Variants in CYP20A1 observed in about 807,000 individuals in gnomAD.
The protein encoded by CYP20A1 is cytochrome P450 20A1.
CYP20A1 carries 61 observed loss-of-function variants against 61.4 expected under a neutral mutation model. That is an observed-to-expected ratio of 0.99 (90% confidence interval 0.81 to 1.23). The LOEUF is 1.23. Among genes scored for constraint, CYP20A1 ranks in the 50% most tolerant of loss-of-function variants. The pLI, the probability that CYP20A1 is intolerant of heterozygous loss-of-function variation, is 0.00. For missense variants in CYP20A1, 530 were observed against 542.4 expected, an observed-to-expected ratio of 0.98 and a Z score of 0.23; for synonymous variants, 193 against 188.2, an observed-to-expected ratio of 1.03 and a Z score of -0.21.
intron 3 of CYP20A1, among the ~76,000 whole-genome samples, chr2:203,248,193 C>T (rs910749655): frequency 6.6e-6 from 1 of 152,082 alleles, no homozygotes; most frequent in African/African-American, 2.4e-5. Context: ...CCACTCTACT[C>T]CAGCCAGGCA....
intron 11 of CYP20A1, among the ~76,000 whole-genome samples, chr2:203,296,164 T>C (rs2068788026): frequency 6.6e-6 from 1 of 152,006 alleles, no homozygotes; most frequent in South Asian, 2.1e-4. Flanking sequence ...CTCAGGAAGC[T>C]GAGGTAGAAG....
At chr2:203,262,712 A>T (rs2067182306) in intron 4 of CYP20A1, among the ~76,000 whole-genome samples, 1 of 150,798 alleles carries the variant, frequency 6.6e-6, no homozygotes, top group African/African-American at 2.4e-5. Context: ...TTTTTTTGAG[A>T]CGGAGTCTTA....
intron 12 of CYP20A1, 43 bp downstream of exon 12, chr2:203,296,606 A>G (rs112787411): frequency 6.7e-7 from 1 of 1,491,092 alleles, no homozygotes; most frequent in Non-Finnish European, 9.2e-7. Context: ...AATTTTGATG[A>G]TCACTGTTGA....
chr2:203,265,261 C>T (rs2067279219), intron 4 of CYP20A1, among the ~76,000 whole-genome samples: 1 of 152,094 alleles, frequency 6.6e-6, no homozygotes. Context: ...TAGCACCTTA[C>T]CCCAGTTGTG....
chr2:203,260,790 C>A (rs1434626790), intron 4 of CYP20A1, among the ~76,000 whole-genome samples: 1 of 152,138 alleles, frequency 6.6e-6, no homozygotes, highest in Non-Finnish European at 1.5e-5. Flanking sequence ...TCCCAAAGAC[C>A]TAGGATTACT....
chr2:203,253,196 G>C (rs564495765), intron 4 of CYP20A1, among the ~76,000 whole-genome samples: 28 of 152,240 alleles, frequency 1.8e-4, no homozygotes, highest in Non-Finnish European at 2.9e-4. Flanking sequence ...GTCCTGCCTT[G>C]GGCCCCAAAA....
At chr2:203,293,214 CTCTTTT>C (rs1396787133) in intron 11 of CYP20A1, among the ~76,000 whole-genome samples, 3 of 128,910 alleles carry the variant, frequency 2.3e-5, no homozygotes, top group Non-Finnish European at 3.2e-5. Context: ...GAATTTCTCT[CTCTTTT>C]TTTTTTTTTT....
In CYP20A1 at chr2:203,280,059, A is replaced by G; in HGVS notation, c.796A>G (p.Ile266Val). Residue 266 changes from isoleucine (I) to valine (V), a missense_variant and splice_region_variant, in exon 8 of 13, where the codon ATC (isoleucine) becomes GTC (valine). Coordinates refer to ENST00000356079, the MANE Select transcript of CYP20A1 (RefSeq NM_177538.3). ...TTCTAAACTTAGTTTTGTTTCCTAG[A>G]TCCTAGAAGACAGTATGATATTTTC... ...LVQGNLNDQQ[I>V]LEDSMIFSLA... is the part of the protein sequence containing the mutation. 6.2e-7 allele frequency: 1 copy of G among 1,602,752 alleles called. No homozygotes were observed. The highest frequency in any genetic ancestry group is 1.7e-5 in the Admixed American group (1 of 58,636).
At chr2:203,272,851 C>CTTTT in intron 6 of CYP20A1, 103 bp downstream of exon 6, 5 of 428,938 alleles carry the variant, frequency 1.2e-5, no homozygotes, top group East Asian at 5.8e-5. Context: ...TTTATATTTT[C>CTTTT]TTTTTTTTTT....
rs149613675 is a variant in CYP20A1 at position 203,280,490 on chromosome 2, C to T, written c.850+377C>T. Among the ~76,000 whole-genome samples the T allele has an allele frequency of 7.2e-4, 110 of 152,268 alleles. 7 individuals carry two copies. Among genetic ancestry groups the T allele is most frequent in the Non-Finnish European group, 8.8e-5 (6 of 68,020 alleles). ...GGCCAGGGCAGGAGGATCACTTGAG[C>T]CCAGGAGTTCGAGACCAGTCTGGGC... On this transcript the variant is annotated intron_variant, in intron 8 of 12. Coordinates refer to ENST00000356079, the MANE Select transcript of CYP20A1 (RefSeq NM_177538.3).
At position 203,302,176 on chromosome 2, in the gene CYP20A1, C is replaced by G. The variant is rs533381592; in HGVS notation, c.*5268C>G. ...CCTCAACCTCAAGTAGTCTGCCCAC[C>G]TTGACCTCCCAAAGTGCTGGGATTA... On this transcript the variant is annotated 3_prime_UTR_variant, in exon 13 of 13. Transcript: ENST00000356079. 6.6e-6 allele frequency among the ~76,000 whole-genome samples: 1 copy of G among 152,184 alleles called. No homozygotes were observed. The highest frequency in any genetic ancestry group is 1.9e-4 in the East Asian group (1 of 5,188).
chr2:203,289,921 T>A, intron 10 of CYP20A1, 45 bp downstream of exon 10: 1 of 994,690 alleles, frequency 1.0e-6, no homozygotes, highest in Non-Finnish European at 1.5e-6. Flanking sequence ...TATTCTCAAC[T>A]CTTTTGGTGT....
intron 9 of CYP20A1, among the ~76,000 whole-genome samples, chr2:203,287,653 A>G (rs1202992376): frequency 1.3e-5 from 2 of 152,276 alleles, no homozygotes; most frequent in East Asian, 1.9e-4. Context: ...CTGCAGCATG[A>G]TAGAGTGTCA....
At chr2:203,258,388 TAAA>T (rs56367282) in intron 4 of CYP20A1, among the ~76,000 whole-genome samples, 710 of 138,068 alleles carry the variant, frequency 5.1e-3, no homozygotes, top group East Asian at 7.0e-3. Context: ...ACCCTATGTT[TAAA>T]AAAAAAAAAA....
chr2:203,264,752 C>CG (rs2067260968), intron 4 of CYP20A1, among the ~76,000 whole-genome samples: 1 of 151,948 alleles, frequency 6.6e-6, no homozygotes, highest in African/African-American at 2.4e-5. Flanking sequence ...GTTTTTTAGA[C>CG]GGAGTCTCAC....
intron 9 of CYP20A1, among the ~76,000 whole-genome samples, chr2:203,288,396 T>C (rs574316917): frequency 9.2e-5 from 14 of 152,050 alleles, no homozygotes; most frequent in Non-Finnish European, 1.6e-4. Flanking sequence ...ACAAAGCCCT[T>C]TCCCTAGAGT....
intron 5 of CYP20A1, among the ~76,000 whole-genome samples, chr2:203,269,046 T>C (rs1366112202): frequency 2.6e-5 from 4 of 152,212 alleles, no homozygotes; most frequent in African/African-American, 9.6e-5. Context: ...TTGTATGTCC[T>C]AACTGCCCCC....
chr2:203,293,214 C>CTTTTTTTTTTTTTTTTTTTTT lies in CYP20A1; in HGVS notation c.1148+889_1148+890insTTTTTTTTTTTTTTTTTTTTT, dbSNP rs575058733. On this transcript the variant is annotated intron_variant, in intron 11 of 12. Coordinates refer to ENST00000356079, the MANE Select transcript of CYP20A1 (RefSeq NM_177538.3). ...ATTTTTAAAAAAGCAGAATTTCTCT[C>CTTTTTTTTTTTTTTTTTTTTT]TCTTTTTTTTTTTTTTTTTGAGATG... Among the ~76,000 whole-genome samples the CTTTTTTTTTTTTTTTTTTTTT allele has an allele frequency of 3.1e-5, 4 of 128,910 alleles. 2 individuals carry two copies. The highest frequency in any genetic ancestry group is 6.4e-5 in the Non-Finnish European group (4 of 62,470). The allele number at this position is 128,910 out of a possible 152,430, so 84.6% of individuals were successfully genotyped here. A position where few individuals can be genotyped will look rare whatever the true frequency, so the allele number is the denominator to read the frequency against.
chr2:203,289,938 G>A, intron 10 of CYP20A1, 62 bp downstream of exon 10: 5 of 758,378 alleles, frequency 6.6e-6, no homozygotes, highest in Non-Finnish European at 1.0e-5. Flanking sequence ...GTGTGTGTGT[G>A]TGTATATATA....
Sources: allele counts gnomAD v4.1 joint callset (sites outside exome capture counted in the v4.1 genomes callset), GRCh38; gene constraint gnomAD v4.1.1; transcripts MANE v1.5; gene names NCBI Gene and HGNC (gene_info 2026-07-23, HGNC 2026-07-21).